TANC1: variants seen among roughly 807,000 people sequenced by gnomAD.
The protein encoded by TANC1 is tetratricopeptide repeat, ankyrin repeat and coiled-coil containing 1.
TANC1 carries 77 observed loss-of-function variants against 149.7 expected under a neutral mutation model. The observed-to-expected ratio is 0.51, with a 90% CI of 0.43 to 0.62. The LOEUF (loss-of-function observed/expected upper bound fraction) is 0.62, where lower values mean the gene tolerates loss of function less well. Ranked by LOEUF, TANC1 falls within the 20% of genes least tolerant of loss-of-function variation. The pLI is 0.00. For synonymous variants in TANC1, 854 were observed against 925.0 expected (o/e 0.92, Z 1.39); for missense variants, 1,985 against 2,321.8 (o/e 0.85, Z 2.98).
intron 4 of TANC1, among the ~76,000 whole-genome samples, chr2:159,109,796 A>G (rs7595765): frequency 0.32 from 49,315 of 151,786 alleles, 8,677 homozygotes; most frequent in East Asian, 0.63. Flanking sequence ...GTATCACACC[A>G]CATGTATTCA....
At chr2:158,976,172 G>A (rs2033647706) in intron 1 of TANC1, among the ~76,000 whole-genome samples, 1 of 152,170 alleles carries the variant, frequency 6.6e-6, no homozygotes, top group Admixed American at 6.5e-5. Context: ...AGAGTGGAGT[G>A]TGCTAGATCA....
At position 159,185,794 on chromosome 2, in the gene TANC1, C is replaced by G; in HGVS notation, c.2514C>G (p.Asn838Lys). Residue 838 changes from asparagine to lysine, a missense_variant, in exon 15 of 27, where the codon AAC becomes AAG. By Grantham distance (94) the Asn-to-Lys change is moderately conservative (BLOSUM62 0). This residue lies in a region of TANC1 where 508 missense variants were observed against 714.2 expected (regional missense o/e 0.71). Coordinates refer to ENST00000263635, the MANE Select transcript of TANC1 (RefSeq NM_033394.3). ...ENTAFLCEPR[N>K]GHALLAFMFS... ...GCCTTTGTATTCCTTCCCCTAGGAA[C>G]GGGCACGCGCTCTTGGCATTCATGT... The G allele has an allele frequency of 1.2e-6, 2 of 1,612,738 alleles. No individual in the cohort carries two copies. Among genetic ancestry groups the G allele is most frequent in the Non-Finnish European group, 1.7e-6 (2 of 1,179,098 alleles).
intron 23 of TANC1, chr2:159,225,458 C>T (rs571420512): frequency 6.9e-5 from 40 of 576,926 alleles, no homozygotes; most frequent in Non-Finnish European, 9.0e-5. Context: ...CGGATGCCTT[C>T]GTTTCTCATT....
At chr2:158,982,538 C>G (rs842065) in intron 1 of TANC1, among the ~76,000 whole-genome samples, 43,362 of 152,216 alleles carry the variant, frequency 0.28, 6,517 homozygotes, top group East Asian at 0.48. Context: ...TGGATCAGAG[C>G]TATCAAAACC....
At chr2:159,207,128 A>G (rs185653527) in intron 19 of TANC1, among the ~76,000 whole-genome samples, 1 of 152,378 alleles carries the variant, frequency 6.6e-6, no homozygotes, top group Non-Finnish European at 1.5e-5. Flanking sequence ...ACTTTAAAAC[A>G]CTAAGTCAGG....
At chr2:159,041,235 G>T (rs906140332) in intron 2 of TANC1, among the ~76,000 whole-genome samples, 2 of 152,148 alleles carry the variant, frequency 1.3e-5, no homozygotes, top group African/African-American at 4.8e-5. Context: ...GCTACATGGG[G>T]GTCAGGGACC....
chr2:159,013,116 T>TAAAA (rs2037932070), intron 2 of TANC1, among the ~76,000 whole-genome samples: 3 of 152,344 alleles, frequency 2.0e-5, no homozygotes, highest in South Asian at 4.1e-4. Flanking sequence ...TTTGTACTTT[T>TAAAA]AAGCAAGGAG....
chr2:158,999,502 T>G (rs1171715221), intron 1 of TANC1, among the ~76,000 whole-genome samples: 1 of 152,210 alleles, frequency 6.6e-6, no homozygotes, highest in Non-Finnish European at 1.5e-5. Flanking sequence ...TTTCTCCTCT[T>G]AAGCTGGGAC....
In TANC1 at chr2:158,978,205, G is replaced by A. The variant is rs111644915; in HGVS notation, c.-126+9423G>A. 1.1e-4 allele frequency among the ~76,000 whole-genome samples: 16 copies of A among 152,300 alleles called. 1 individual carries two copies. Among genetic ancestry groups the A allele is most frequent in the Non-Finnish European group, 2.4e-4 (16 of 68,018 alleles). ...CTCCTTTGGGAGAAAGGGAGACAGA[G>A]AATCCACAGTTGTTAAACATCACTC... is the stretch of plus-strand genomic sequence containing the variant. On this transcript the variant is annotated intron_variant, in intron 1 of 26. Coordinates refer to ENST00000263635, the MANE Select transcript of TANC1 (RefSeq NM_033394.3).
chr2:159,002,955 A>AT (rs2036757882), intron 2 of TANC1, among the ~76,000 whole-genome samples: 1 of 152,246 alleles, frequency 6.6e-6, no homozygotes, highest in African/African-American at 2.4e-5. Flanking sequence ...TCTTGCAGCT[A>AT]TCAGACATGC....
chr2:159,231,854 A>G lies in TANC1; in HGVS notation c.*842A>G, dbSNP rs1038431118. The G allele has an allele frequency of 6.6e-6, 1 of 152,206 alleles. No individual in the cohort carries two copies. The highest frequency in any genetic ancestry group is 1.5e-5 in the Non-Finnish European group (1 of 68,028). 9.4% of individuals were successfully genotyped at this position (152,206 alleles called of 1,614,324 possible). A position where few individuals can be genotyped will look rare whatever the true frequency, so the allele number is the denominator to read the frequency against. On this transcript the variant is annotated 3_prime_UTR_variant, in exon 27 of 27. Transcript: ENST00000263635. ...GTAGTGCTCCTGGAACAATCCTTCCAAGCTCCTCTAAGGACAATATTTAAT... is the reference window on the plus strand; with the variant it reads ...GTAGTGCTCCTGGAACAATCCTTCCGAGCTCCTCTAAGGACAATATTTAAT...
intron 4 of TANC1, among the ~76,000 whole-genome samples, chr2:159,115,805 A>G (rs977705674): frequency 6.6e-6 from 1 of 152,104 alleles, no homozygotes; most frequent in Non-Finnish European, 1.5e-5. Flanking sequence ...TAGTATTTCC[A>G]AGGTGGGCAT....
chr2:159,106,484 G>A (rs1374662247), intron 4 of TANC1, among the ~76,000 whole-genome samples: 2 of 152,142 alleles, frequency 1.3e-5, no homozygotes, highest in African/African-American at 2.4e-5. Context: ...GTTGTGGCAT[G>A]TATCAGTACT....
At chr2:159,113,782 A>G (rs1237529421) in intron 4 of TANC1, among the ~76,000 whole-genome samples, 1 of 152,184 alleles carries the variant, frequency 6.6e-6, no homozygotes, top group Non-Finnish European at 1.5e-5. Flanking sequence ...GTATAACTTG[A>G]GCCAAGGAGT....
intron 2 of TANC1, chr2:159,056,804 A>G: frequency 2.9e-6 from 1 of 345,818 alleles, no homozygotes; most frequent in Non-Finnish European, 6.0e-6. Context: ...AGTTGGGCAG[A>G]TTAGGAAAGT....
At chr2:159,083,824 A>G (rs142085953) in intron 3 of TANC1, among the ~76,000 whole-genome samples, 1 of 152,130 alleles carries the variant, frequency 6.6e-6, no homozygotes, top group East Asian at 1.9e-4. Flanking sequence ...TGTTGCTAAG[A>G]TATTTTACGA....
Position 159,170,709 on chromosome 2 carries a change from G to T in TANC1, c.1255G>T (p.Gly419Trp). ...GAVVVGNVGF[G>W]KTAIISKLVA... ...GGTGGTGGTTGGCAATGTGGGATTT[G>T]GGAAGACGGCAATCATTTCCAAGTT... Residue 419 changes from glycine to tryptophan, a missense_variant, in exon 10 of 27, where the codon GGG becomes TGG. Gly to Trp is a radical substitution (Grantham distance 184). Around this residue, in one of 3 missense-constraint regions of TANC1, gnomAD observed 557 missense variants for 612.9 expected, o/e 0.91. Transcript: ENST00000263635. 6.2e-7 allele frequency: 1 copy of T among 1,614,160 alleles called. No individual in the cohort carries two copies. Among genetic ancestry groups the T allele is most frequent in the Non-Finnish European group, 8.5e-7 (1 of 1,180,032 alleles).
chr2:159,070,728 T>C (rs1035229992), intron 3 of TANC1, among the ~76,000 whole-genome samples: 2 of 152,148 alleles, frequency 1.3e-5, no homozygotes, highest in Non-Finnish European at 2.9e-5. Flanking sequence ...TTGGACTTCT[T>C]GGCTAAGATT....
chr2:158,988,779 T>C (rs2035302808), intron 1 of TANC1, among the ~76,000 whole-genome samples: 1 of 152,152 alleles, frequency 6.6e-6, no homozygotes, highest in African/African-American at 2.4e-5. Context: ...TCCTACCTCA[T>C]GGGGTTTTTG....
Sources: allele counts gnomAD v4.1 joint callset (sites outside exome capture counted in the v4.1 genomes callset), GRCh38; gene constraint gnomAD v4.1.1; regional missense constraint gnomAD v4.1.1; transcripts MANE v1.5; gene names NCBI Gene and HGNC (gene_info 2026-07-23, HGNC 2026-07-21).